CPXM2: variants seen among roughly 807,000 people sequenced by gnomAD.
CPXM2 encodes the protein inactive carboxypeptidase-like protein X2.
CPXM2 carries 66 observed loss-of-function variants against 86.1 expected under a neutral mutation model. The observed-to-expected ratio is 0.77, with a 90% confidence interval of 0.63 to 0.94. The LOEUF (loss-of-function observed/expected upper bound fraction) is 0.94, where lower values mean the gene tolerates loss of function less well. Among genes scored for constraint, CPXM2 ranks in the 40% least tolerant of loss-of-function variants. CPXM2 has a pLI of 0.00. For synonymous variants in CPXM2, 388 were observed against 400.2 expected (o/e 0.97, Z 0.36); for missense variants, 948 against 1,026.3 (o/e 0.92, Z 1.04).
At chr10:123,931,759 T>C (rs1442491085) in intron 2 of CPXM2, among the ~76,000 whole-genome samples, 1 of 152,242 alleles carries the variant, frequency 6.6e-6, no homozygotes, top group Non-Finnish European at 1.5e-5. Flanking sequence ...AGTATATTCA[T>C]ATCAGACTCT....
intron 4 of CPXM2, among the ~76,000 whole-genome samples, chr10:123,830,415 C>T (rs772389389): frequency 5.3e-5 from 8 of 152,208 alleles, no homozygotes; most frequent in Non-Finnish European, 1.0e-4. Context: ...GCAAACACCA[C>T]CAGATGTGGC....
intron 7 of CPXM2, among the ~76,000 whole-genome samples, chr10:123,771,320 C>T (rs1369866487): frequency 6.6e-6 from 1 of 152,200 alleles, no homozygotes; most frequent in Non-Finnish European, 1.5e-5. Flanking sequence ...TTCCACACCC[C>T]TTGGTTGTGG....
intron 12 of CPXM2, among the ~76,000 whole-genome samples, chr10:123,756,242 T>C (rs1233323916): frequency 6.6e-6 from 1 of 151,896 alleles, no homozygotes; most frequent in Non-Finnish European, 1.5e-5. Context: ...AATTAACACT[T>C]AGAAAAAAAC....
intron 3 of CPXM2, among the ~76,000 whole-genome samples, chr10:123,849,563 GCCA>G (rs1848560669): frequency 6.6e-6 from 1 of 150,422 alleles, no homozygotes; most frequent in African/African-American, 2.4e-5. Context: ...ACAGGCACCT[GCCA>G]CCACATCTGG....
chr10:123,767,437 CCTT>C lies in CPXM2; in HGVS notation c.1300-288_1300-286del, dbSNP rs1386062303. The stretch of plus-strand genomic sequence containing the variant: ...CATTAGGTTCCTTCTTCCACCCCTA[CCTT>C]CCTCTCTTCTATACTGGCCAGGTGA... On this transcript the variant is annotated intron_variant, in intron 9 of 13. Transcript: ENST00000241305. Among the ~76,000 whole-genome samples, 6 of 152,216 alleles carry C rather than the reference CCTT, an allele frequency of 3.9e-5. 2 individuals carry two copies. The highest frequency in any genetic ancestry group is 8.8e-5 in the Non-Finnish European group (6 of 68,042).
intron 2 of CPXM2, among the ~76,000 whole-genome samples, chr10:123,867,142 T>C (rs1944804998): frequency 6.6e-6 from 1 of 152,208 alleles, no homozygotes; most frequent in African/African-American, 2.4e-5. Flanking sequence ...AAAAGAAGTT[T>C]AAGCATAAAG....
intron 2 of CPXM2, among the ~76,000 whole-genome samples, chr10:123,907,650 G>A (rs1355684149): frequency 6.6e-6 from 1 of 151,764 alleles, no homozygotes; most frequent in African/African-American, 2.4e-5. Context: ...AGTTTAAAAT[G>A]TGTCTTCTAT....
At chr10:123,772,832 T>C (rs978656856) in intron 7 of CPXM2, among the ~76,000 whole-genome samples, 8 of 151,544 alleles carry the variant, frequency 5.3e-5, no homozygotes, top group African/African-American at 1.9e-4. Flanking sequence ...GTTGTGGTTA[T>C]CACCTCCCTG....
At chr10:123,897,161 G>A (rs1280838608) in intron 2 of CPXM2, among the ~76,000 whole-genome samples, 1 of 150,294 alleles carries the variant, frequency 6.7e-6, no homozygotes, top group African/African-American at 2.5e-5. Context: ...GCAGTCCTAT[G>A]GAGGGACATG....
intron 2 of CPXM2, among the ~76,000 whole-genome samples, chr10:123,867,233 T>A (rs1944806210): frequency 1.3e-5 from 2 of 152,120 alleles, no homozygotes; most frequent in Non-Finnish European, 2.9e-5. Context: ...GAATCAAGCA[T>A]CCCAGGAAAA....
chr10:123,776,042 T>C (rs1045653302), intron 7 of CPXM2, among the ~76,000 whole-genome samples: 3 of 152,208 alleles, frequency 2.0e-5, no homozygotes, highest in Admixed American at 1.3e-4. Flanking sequence ...GAGTAAGGAA[T>C]AGAATTTTCA....
Position 123,803,552 on chromosome 10 carries a change from C to T in CPXM2, c.654-4353G>A, listed in dbSNP as rs1007584134. Among the ~76,000 whole-genome samples, 10 of 152,090 alleles carry T rather than the reference C, an allele frequency of 6.6e-5. No individual in the cohort carries two copies. The East Asian group carries it at 1.9e-3, about 29-fold the overall frequency. ...ATAAAGATATTAACTGATGTTTCTT[C>T]TAAAAAACGTTATTGCTTTACCTTT... On this transcript the variant is annotated intron_variant, in intron 4 of 13. Coordinates refer to ENST00000241305, the MANE Select transcript of CPXM2 (RefSeq NM_198148.3).
intron 6 of CPXM2, among the ~76,000 whole-genome samples, chr10:123,788,199 G>T (rs1847113686): frequency 6.8e-6 from 1 of 147,660 alleles, no homozygotes; most frequent in East Asian, 2.0e-4. Flanking sequence ...AGAATCACTT[G>T]AACCCCAGAG....
intron 1 of CPXM2, among the ~76,000 whole-genome samples, chr10:123,886,476 C>T (rs1219765968): frequency 6.6e-6 from 1 of 152,192 alleles, no homozygotes; most frequent in African/African-American, 2.4e-5. Flanking sequence ...TTTCCCCCTG[C>T]AACTGGGGCC....
chr10:123,839,177 T>C (rs7074410), intron 4 of CPXM2, among the ~76,000 whole-genome samples: 8,714 of 152,166 alleles, frequency 0.057, 516 homozygotes, highest in African/African-American at 0.15. Flanking sequence ...TCACCACGTC[T>C]TTATGAGATC....
intron 2 of CPXM2, among the ~76,000 whole-genome samples, chr10:123,871,502 A>T (rs1429291038): frequency 1.3e-5 from 2 of 152,228 alleles, no homozygotes; most frequent in African/African-American, 4.8e-5. Flanking sequence ...GCCTATTATC[A>T]GCTTCAGAAA....
At chr10:123,852,109 T>C (rs1030084446) in intron 3 of CPXM2, among the ~76,000 whole-genome samples, 12 of 152,152 alleles carry the variant, frequency 7.9e-5, no homozygotes, top group Non-Finnish European at 1.5e-4. Flanking sequence ...GCCTCCAGAA[T>C]TGTGAGAGAA....
At chr10:123,903,111 C>T (rs889393400) in intron 2 of CPXM2, among the ~76,000 whole-genome samples, 4 of 152,194 alleles carry the variant, frequency 2.6e-5, no homozygotes, top group African/African-American at 9.6e-5. Context: ...GTCCCTGTTC[C>T]CAGGCTCCCA....
intron 3 of CPXM2, chr10:123,843,353 C>A: frequency 2.3e-6 from 1 of 437,210 alleles, no homozygotes; most frequent in Non-Finnish European, 4.5e-6. Flanking sequence ...TGACTCCTCG[C>A]CTCCCAAAAA....
Sources: gnomAD v4.1 joint callset for allele counts (sites outside exome capture counted in the v4.1 genomes callset) on GRCh38, gnomAD v4.1.1 for gene constraint, MANE v1.5 for transcripts, NCBI Gene and HGNC (gene_info 2026-07-23, HGNC 2026-07-21) for gene names.